TEX36: variants seen among roughly 807,000 people sequenced by gnomAD.
The protein encoded by TEX36 is testis-expressed protein 36.
TEX36 carries 12 observed loss-of-function variants against 13.6 expected under a neutral mutation model. The observed-to-expected ratio is 0.88, with a 90% confidence interval of 0.56 to 1.43. TEX36 has a LOEUF of 1.43. TEX36 is among the 40% of genes most tolerant of loss of function. TEX36 has a pLI of 0.00. For missense variants in TEX36, 224 were observed against 228.3 expected (o/e 0.98, Z 0.12); for synonymous variants, 93 against 83.0 (o/e 1.12, Z -0.65).
At chr10:125,660,793 C>T (rs1285483488) in intron 3 of TEX36, among the ~76,000 whole-genome samples, 2 of 152,136 alleles carry the variant, frequency 1.3e-5, no homozygotes, top group Non-Finnish European at 2.9e-5. Context: ...AAGGATGAAG[C>T]GCACTTACAC....
intron 3 of TEX36, among the ~76,000 whole-genome samples, chr10:125,586,796 A>G (rs1487304968): frequency 8.6e-5 from 13 of 151,700 alleles, no homozygotes; most frequent in Admixed American, 8.5e-4. Flanking sequence ...GTCTAAAAAA[A>G]AAGAAGAAAA....
At chr10:125,581,825 C>T (rs1845886869) in intron 3 of TEX36, among the ~76,000 whole-genome samples, 1 of 152,154 alleles carries the variant, frequency 6.6e-6, no homozygotes, top group African/African-American at 2.4e-5. Context: ...ACCTCCCAAC[C>T]CATGGAAATA....
intron 3 of TEX36, among the ~76,000 whole-genome samples, chr10:125,656,857 G>A (rs57519214): frequency 0.034 from 5,162 of 151,908 alleles, 270 homozygotes; most frequent in African/African-American, 0.11. Flanking sequence ...CAACACCCCC[G>A]ACCTTCCCTG....
At chr10:125,601,258 A>C (rs1485041188) in intron 3 of TEX36, among the ~76,000 whole-genome samples, 2 of 152,256 alleles carry the variant, frequency 1.3e-5, no homozygotes, top group African/African-American at 4.8e-5. Flanking sequence ...CAATAATTCT[A>C]TAAGACACGT....
At chr10:125,653,378 A>G (rs935964612), downstream of TEX36, among the ~76,000 whole-genome samples, 2 of 151,596 alleles carry the variant, frequency 1.3e-5, no homozygotes, top group African/African-American at 4.8e-5. Flanking sequence ...TGAGCAAACT[A>G]TTGCAAGGAC....
At chr10:125,599,592 G>C (rs997635948) in intron 3 of TEX36, among the ~76,000 whole-genome samples, 1 of 152,182 alleles carries the variant, frequency 6.6e-6, no homozygotes, top group African/African-American at 2.4e-5. Context: ...CTTAGGGAAA[G>C]ATGGCGCATA....
chr10:125,641,429 C>A lies in TEX36; in HGVS notation c.264+19592G>T, dbSNP rs78005498. Reference sequence around the variant, plus strand: ...TGAGGGCCTTTACATCTGATTTTTGCAAATATAAACTAAATACTCAGTAGT... The same window carrying A: ...TGAGGGCCTTTACATCTGATTTTTGAAAATATAAACTAAATACTCAGTAGT... On this transcript the variant is annotated intron_variant, in intron 3 of 3. Transcript: ENST00000526819. 2.9e-3 allele frequency among the ~76,000 whole-genome samples: 447 copies of A among 152,318 alleles called. 8 individuals are homozygous for A. The South Asian group carries it at 0.039, about 13-fold the overall frequency.
chr10:125,645,236 C>G (rs569440117), intron 3 of TEX36, among the ~76,000 whole-genome samples: 1 of 152,268 alleles, frequency 6.6e-6, no homozygotes, highest in East Asian at 1.9e-4. Context: ...TTAATATTTT[C>G]CCTCCAAAAT....
chr10:125,679,747 A>C (rs1847366757), intron 1 of TEX36, among the ~76,000 whole-genome samples: 1 of 152,172 alleles, frequency 6.6e-6, no homozygotes, highest in Non-Finnish European at 1.5e-5. Context: ...CTTGGATAAC[A>C]TATTTGAAGT....
intron 1 of TEX36, among the ~76,000 whole-genome samples, chr10:125,676,186 TTGTC>T (rs1439571902): frequency 3.3e-5 from 5 of 152,246 alleles, no homozygotes; most frequent in African/African-American, 1.2e-4. Flanking sequence ...ACTGTCTAGA[TTGTC>T]TGTCTAATGC....
chr10:125,667,272 GC>G, intron 1 of TEX36: 2 of 626,242 alleles, frequency 3.2e-6, no homozygotes. Flanking sequence ...TCAGCAAGAT[GC>G]CCTCCAAGAT....
intron 1 of TEX36, chr10:125,666,882 G>A (rs1485980966): frequency 5.0e-6 from 2 of 403,988 alleles, no homozygotes; most frequent in East Asian, 4.9e-5. Context: ...CACTTAGTAG[G>A]TATGGTTAGA....
In TEX36 at chr10:125,682,966, G is replaced by T. The variant is rs1420541526; in HGVS notation, c.24C>A (p.Asn8Lys). ...ATCTCCCATCCTTGTCTGAAGGTGG[G>T]TTGAAGCGTCGCCCTTTGGTCATTC... MTKGRRF[N>K]PPSDKDGRWF... Residue 8 changes from asparagine to lysine, a missense_variant, in exon 1 of 4, where the codon AAC becomes AAA. Coordinates refer to ENST00000368821, the MANE Select transcript of TEX36 (RefSeq NM_001128202.3). 6.4e-7 allele frequency: 1 copy of T among 1,551,756 alleles called. No homozygotes were observed. The highest frequency in any genetic ancestry group is 2.0e-5 in the Admixed American group (1 of 51,008).
At chr10:125,674,973 C>T (rs1036000359) in intron 1 of TEX36, among the ~76,000 whole-genome samples, 2 of 152,256 alleles carry the variant, frequency 1.3e-5, no homozygotes, top group African/African-American at 4.8e-5. Context: ...GGGGGAATCT[C>T]CGCTCATCCA....
At chr10:125,576,925 C>A in intron 3 of TEX36, 1 of 1,533,484 alleles carries the variant, frequency 6.5e-7, no homozygotes, top group Admixed American at 2.0e-5. Flanking sequence ...GTGCTTAAAT[C>A]CTTGTAGTTC....
At chr10:125,588,622 TTTGTTTGTTTGA>T (rs1162316390) in intron 3 of TEX36, among the ~76,000 whole-genome samples, 2 of 151,314 alleles carry the variant, frequency 1.3e-5, no homozygotes. Flanking sequence ...TGTTTGTTTG[TTTGTTTGTTTGA>T]GATGGAATCT....
At chr10:125,596,807 G>C (rs1846085527) in intron 3 of TEX36, among the ~76,000 whole-genome samples, 2 of 152,204 alleles carry the variant, frequency 1.3e-5, no homozygotes, top group African/African-American at 4.8e-5. Flanking sequence ...GTTCTTTATG[G>C]AGTGCTGTTT....
intron 3 of TEX36, among the ~76,000 whole-genome samples, chr10:125,659,008 T>A (rs2133593330): frequency 6.6e-6 from 1 of 152,198 alleles, no homozygotes; most frequent in South Asian, 2.1e-4. Context: ...TACCGTACAT[T>A]TGAAATGAAT....
At chr10:125,636,490 G>A (rs893886714) in intron 3 of TEX36, among the ~76,000 whole-genome samples, 3 of 151,778 alleles carry the variant, frequency 2.0e-5, no homozygotes, top group African/African-American at 4.8e-5. Context: ...CTAGGATTAC[G>A]GGCGTGAGCC....
Sources: gnomAD v4.1 joint callset for allele counts (sites outside exome capture counted in the v4.1 genomes callset) on GRCh38, gnomAD v4.1.1 for gene constraint, MANE v1.5 for transcripts, NCBI Gene and HGNC (gene_info 2026-07-23, HGNC 2026-07-21) for gene names.